Variants in MEGF10 observed in about 807,000 individuals in gnomAD.
MEGF10 encodes the protein multiple epidermal growth factor-like domains protein 10.
MEGF10 carries 86 observed loss-of-function variants against 147.5 expected under a neutral mutation model. That is an observed-to-expected ratio of 0.58 (90% CI 0.49 to 0.70). The LOEUF (loss-of-function observed/expected upper bound fraction) is 0.70, where lower values mean the gene tolerates loss of function less well. Ranked by LOEUF, MEGF10 falls within the 30% of genes least tolerant of loss-of-function variation. MEGF10 has a pLI of 0.00. For synonymous variants in MEGF10, 478 were observed against 525.5 expected, an observed-to-expected ratio of 0.91 and a Z score of 1.24; for missense variants, 1,329 against 1,487.3, an observed-to-expected ratio of 0.89 and a Z score of 1.75.
chr5:127,313,517 T>C lies in MEGF10; in HGVS notation c.-18-17774T>C, dbSNP rs1291507066. Among the ~76,000 whole-genome samples the C allele has an allele frequency of 2.0e-5, 3 of 152,232 alleles. No homozygotes were observed. The East Asian group carries it at 5.8e-4, about 29-fold the overall frequency. The stretch of plus-strand genomic sequence containing the variant: ...AAATGTAATTTGTGTGTATTTAACA[T>C]TTGTACACACTTATATGCACGGACA... On this transcript the variant is annotated intron_variant, in intron 1 of 24. Coordinates refer to ENST00000503335, the MANE Select transcript of MEGF10 (RefSeq NM_001256545.2).
chr5:127,367,523 G>C (rs967117805), intron 4 of MEGF10, among the ~76,000 whole-genome samples: 1 of 152,074 alleles, frequency 6.6e-6, no homozygotes, highest in Admixed American at 6.6e-5. Flanking sequence ...TTAGTATGAA[G>C]TTAATTGGTG....
chr5:127,416,343 T>G (rs1318627682), intron 9 of MEGF10, among the ~76,000 whole-genome samples: 1 of 152,116 alleles, frequency 6.6e-6, no homozygotes, highest in African/African-American at 2.4e-5. Flanking sequence ...GCTCAGTTTT[T>G]GACATGTTAA....
chr5:127,278,588 C>T, the MEGF10 span, among the ~76,000 whole-genome samples: 6 of 152,170 alleles, frequency 3.9e-5, no homozygotes, highest in South Asian at 4.2e-4. Flanking sequence ...GAGAAATCCA[C>T]GTCATTTGGG....
In MEGF10 at chr5:127,378,210, A is replaced by C. The variant is rs2126878645; in HGVS notation, c.412+8208A>C. Among the ~76,000 whole-genome samples the C allele has an allele frequency of 2.6e-5, 4 of 152,244 alleles. No individual in the cohort carries two copies. The Middle Eastern group carries it at 0.014, about 518-fold the overall frequency. On this transcript the variant is annotated intron_variant, in intron 5 of 24. Coordinates refer to ENST00000503335, the MANE Select transcript of MEGF10 (RefSeq NM_001256545.2). ...TGTGCCTCCCTTTCCTCATGCTTTG[A>C]ACAAGGATAAGAATATCTATTATAC... is the stretch of plus-strand genomic sequence containing the variant.
chr5:127,389,544 G>A (rs551079696), intron 5 of MEGF10, among the ~76,000 whole-genome samples: 3 of 152,256 alleles, frequency 2.0e-5, no homozygotes, highest in Admixed American at 6.5e-5. Flanking sequence ...TGGCAGATTG[G>A]ATAAAGAAAA....
At chr5:127,411,919 T>C (rs1458568691) in intron 9 of MEGF10, among the ~76,000 whole-genome samples, 1 of 152,188 alleles carries the variant, frequency 6.6e-6, no homozygotes, top group Admixed American at 6.5e-5. Context: ...CCGTTGTACA[T>C]AGAGACAACT....
chr5:127,372,141 T>C (rs1212182634), intron 5 of MEGF10, among the ~76,000 whole-genome samples: 1 of 152,216 alleles, frequency 6.6e-6, no homozygotes, highest in African/African-American at 2.4e-5. Context: ...CTAAGGATTC[T>C]ATTTCCATCT....
chr5:127,425,453 T>A (rs1765178789), intron 13 of MEGF10, among the ~76,000 whole-genome samples: 1 of 152,180 alleles, frequency 6.6e-6, no homozygotes, highest in African/African-American at 2.4e-5. Flanking sequence ...CATTTCTGGG[T>A]CTTCTGTGTG....
intron 13 of MEGF10, among the ~76,000 whole-genome samples, chr5:127,427,770 A>G (rs1765252703): frequency 6.6e-6 from 1 of 152,214 alleles, no homozygotes; most frequent in Non-Finnish European, 1.5e-5. Flanking sequence ...GGGGAGACCT[A>G]CCTTCCTTTG....
chr5:127,396,850 T>A, intron 6 of MEGF10, 72 bp downstream of exon 6: 1 of 1,559,234 alleles, frequency 6.4e-7, no homozygotes, highest in Non-Finnish European at 8.7e-7. Flanking sequence ...GCTGCCATCA[T>A]ATTTCTTGTG....
chr5:127,243,827 A>G, the MEGF10 span, among the ~76,000 whole-genome samples: 1 of 152,172 alleles, frequency 6.6e-6, no homozygotes, highest in Non-Finnish European at 1.5e-5. Context: ...CTTCAACTGT[A>G]AAGATAAGAG....
In MEGF10 at chr5:127,410,512, C is replaced by T. The variant is rs138524411; in HGVS notation, c.1041C>T (p.Gly347=). ...GCCTCTGTGAAGCAGGCTTTGCTGGCGAGCGCTGCGAAGCACGCCTGTGTC... is the reference window on the plus strand; with the variant it reads ...GCCTCTGTGAAGCAGGCTTTGCTGGTGAGCGCTGCGAAGCACGCCTGTGTC... ...GACLCEAGFA[G]ERCEARLCPE... Residue 347 remains glycine (G), a synonymous_variant, in exon 9 of 25, where the codon GGC becomes GGT. Coordinates refer to ENST00000503335, the MANE Select transcript of MEGF10 (RefSeq NM_001256545.2). 4.3e-6 allele frequency: 7 copies of T among 1,613,956 alleles called. No homozygotes were observed. Among genetic ancestry groups the T allele is most frequent in the African/African-American group, 1.3e-5 (1 of 75,066 alleles).
rs991692417 is a variant in MEGF10 at position 127,424,478 on chromosome 5, A to G, written c.1693+1706A>G. ...TTTGGGGAATACTGTCCACTTAACA[A>G]TATGAAGTCTTCAGATTCATAAACA... On this transcript the variant is annotated intron_variant, in intron 13 of 24. Coordinates refer to ENST00000503335, the MANE Select transcript of MEGF10 (RefSeq NM_001256545.2). 3.6e-6 allele frequency: 5 copies of G among 1,372,538 alleles called. No homozygotes were observed. In the South Asian group the frequency reaches 4.2e-5, roughly 11 times the overall value. The allele number at this position is 1,372,538 out of a possible 1,614,324, so 85.0% of individuals were successfully genotyped here. A position where few individuals can be genotyped will look rare whatever the true frequency, so the allele number is the denominator to read the frequency against.
At chr5:127,307,496 T>C (rs1436154789) in intron 1 of MEGF10, among the ~76,000 whole-genome samples, 1 of 152,226 alleles carries the variant, frequency 6.6e-6, no homozygotes, top group Non-Finnish European at 1.5e-5. Context: ...AGTGTTTATT[T>C]TGAGGATGAA....
chr5:127,447,946 C>T (rs1275276375), intron 21 of MEGF10, among the ~76,000 whole-genome samples: 2 of 152,146 alleles, frequency 1.3e-5, no homozygotes, highest in African/African-American at 2.4e-5. Context: ...GTCAAAGTCT[C>T]TCTGTCTCTA....
rs1007525679 is a variant in MEGF10, at chr5:127,457,125, C to T, written c.3233-3C>T. On this transcript the variant is annotated splice_region_variant and splice_polypyrimidine_tract_variant and intron_variant, in intron 24 of 24. Transcript: ENST00000503335. ...TAAATTAATATGTCCTTGGTTATCA[C>T]AGAACCTACAGTGAGTGTTGTCCAA... is the stretch of plus-strand genomic sequence containing the variant. The T allele has an allele frequency of 1.9e-6, 3 of 1,603,352 alleles. No individual in the cohort carries two copies. Among genetic ancestry groups the T allele is most frequent in the Non-Finnish European group, 2.6e-6 (3 of 1,175,462 alleles).
the MEGF10 span, chr5:127,229,847 G>C: frequency 1.3e-5 from 2 of 152,348 alleles, no homozygotes; most frequent in African/African-American, 4.8e-5. Flanking sequence ...CCGAAGCAGG[G>C]ACGCCCAGGG....
intron 13 of MEGF10, among the ~76,000 whole-genome samples, chr5:127,432,480 C>T (rs183028538): frequency 3.9e-5 from 6 of 152,318 alleles, no homozygotes; most frequent in Non-Finnish European, 7.4e-5. Flanking sequence ...CAGCAACTGC[C>T]AGTTCACTAC....
the MEGF10 span, among the ~76,000 whole-genome samples, chr5:127,281,903 G>A: frequency 6.6e-6 from 1 of 152,216 alleles, no homozygotes; most frequent in Non-Finnish European, 1.5e-5. Context: ...CTTAGGCAGG[G>A]CAGGGACAAG....
Sources: allele counts gnomAD v4.1 joint callset (sites outside exome capture counted in the v4.1 genomes callset), GRCh38; gene constraint gnomAD v4.1.1; transcripts MANE v1.5; gene names NCBI Gene and HGNC (gene_info 2026-07-23, HGNC 2026-07-21).